Variants in ASXL3 observed in about 807,000 individuals in gnomAD.
ASXL3 encodes the protein ASXL transcriptional regulator 3.
Under a neutral mutation model 170.6 loss-of-function variants are expected in ASXL3, and 34 were observed. That is an observed-to-expected ratio of 0.20 (90% CI 0.15 to 0.27). ASXL3 has a LOEUF of 0.27. Ranked by LOEUF, ASXL3 falls within the 10% of genes least tolerant of loss-of-function variation. The pLI, the probability that ASXL3 is intolerant of heterozygous loss-of-function variation, is 1.00. For synonymous variants in ASXL3, 1,002 were observed against 989.1 expected, an observed-to-expected ratio of 1.01 and a Z score of -0.24; for missense variants, 2,592 against 2,695.3, an observed-to-expected ratio of 0.96 and a Z score of 0.85.
In ASXL3 at chr18:33,745,204, T is replaced by G. The variant is rs2067757696; in HGVS notation, c.5356T>G (p.Ser1786Ala). ...GCTTCCATTGCCTCTTCAAACTACC[T>G]CAGTGGGTAAAACAGCACCAGAGAG... ...NRLPLPLQTTSVGKTAPERNV... is the reference protein window; with the variant it reads ...NRLPLPLQTTAVGKTAPERNV... Residue 1786 changes from serine to alanine, a missense_variant, in exon 12 of 12, where the codon TCA (serine) becomes GCA (alanine). Around this residue, in one of 4 missense-constraint regions of ASXL3, gnomAD observed 2,246 missense variants for 2,219.6 expected, o/e 1.01. Coordinates refer to ENST00000269197, the MANE Select transcript of ASXL3 (RefSeq NM_030632.3). 1 of 1,613,838 alleles carries G rather than the reference T, an allele frequency of 6.2e-7. No homozygotes were observed. The highest frequency in any genetic ancestry group is 1.7e-5 in the Admixed American group (1 of 60,008).
Position 33,749,029 on chromosome 18 carries a change from G to C in ASXL3, c.*2434G>C, listed in dbSNP as rs2067842826. 1 of 149,678 alleles carries C rather than the reference G, an allele frequency of 6.7e-6. No individual in the cohort carries two copies. Among genetic ancestry groups the C allele is most frequent in the Admixed American group, 6.6e-5 (1 of 15,062 alleles). The allele number at this position is 149,678 out of a possible 1,614,324, so 9.3% of individuals were successfully genotyped here. On this transcript the variant is annotated 3_prime_UTR_variant, in exon 12 of 12. Coordinates refer to ENST00000269197, the MANE Select transcript of ASXL3 (RefSeq NM_030632.3). ...GCTTGGAGAATCAGTTGTTGATAGT[G>C]CATGGATTCTATCATCCAGGTCCGA...
At chr18:33,726,326 A>AT (rs749714096) in intron 8 of ASXL3, among the ~76,000 whole-genome samples, 1 of 151,954 alleles carries the variant, frequency 6.6e-6, no homozygotes. Flanking sequence ...AGCTACTATC[A>AT]TTTTTTTCCT....
At chr18:33,742,628 ATTC>A (rs1312193456) in intron 11 of ASXL3, among the ~76,000 whole-genome samples, 2 of 152,230 alleles carry the variant, frequency 1.3e-5, no homozygotes, top group South Asian at 2.1e-4. Context: ...CATTAAGAAG[ATTC>A]TTCATTTCCA....
rs1028398525 is a variant in ASXL3, at chr18:33,748,951, A to G, written c.*2356A>G. 1.3e-5 allele frequency: 2 copies of G among 152,092 alleles called. No homozygotes were observed. The highest frequency in any genetic ancestry group is 2.4e-5 in the African/African-American group (1 of 41,404). 9.4% of individuals were successfully genotyped at this position (152,092 alleles called of 1,614,324 possible). On this transcript the variant is annotated 3_prime_UTR_variant, in exon 12 of 12. Transcript: ENST00000269197. The stretch of plus-strand genomic sequence containing the variant: ...GTTGAATACTGCCTGCAAGTTGCTT[A>G]TTGGGAATAAGAAAAAGTGTCCTTC...
At chr18:33,698,801 C>T (rs991100782) in intron 8 of ASXL3, among the ~76,000 whole-genome samples, 9 of 151,624 alleles carry the variant, frequency 5.9e-5, no homozygotes, top group Non-Finnish European at 8.8e-5. Context: ...TTTATTTTTT[C>T]GGAGGGGAAA....
intron 1 of ASXL3, among the ~76,000 whole-genome samples, chr18:33,595,167 A>C (rs2065114419): frequency 6.6e-6 from 1 of 152,202 alleles, no homozygotes; most frequent in African/African-American, 2.4e-5. Context: ...TCAAAGTTCT[A>C]GGTAAATAAC....
In ASXL3 at chr18:33,578,473, GCCGCCGCCGCCGCCGCCGCCGCCGCCA is replaced by G. The variant is rs2064963519; in HGVS notation, c.-153_-127del. On this transcript the variant is annotated 5_prime_UTR_variant, in exon 1 of 12. Transcript: ENST00000269197. ...ATCCCTCCCACCCGCCGCCGCCGCCGCCGCCGCCGCCGCCGCCGCCGCCGCCACCGCCCGCGCGCCTCCCCCCGCGGA... is the reference window on the plus strand; with the variant it reads ...ATCCCTCCCACCCGCCGCCGCCGCCGCCGCCCGCGCGCCTCCCCCCGCGGA... The G allele has an allele frequency of 1.8e-5, 3 of 166,638 alleles. No individual in the cohort carries two copies. The highest frequency in any genetic ancestry group is 6.5e-5 in the African/African-American group (2 of 30,880). The allele number at this position is 166,638 out of a possible 1,614,324, so 10.3% of individuals were successfully genotyped here.
At chr18:33,715,091 G>A (rs1033618440) in intron 8 of ASXL3, among the ~76,000 whole-genome samples, 2 of 152,112 alleles carry the variant, frequency 1.3e-5, no homozygotes, top group African/African-American at 2.4e-5. Flanking sequence ...TGGACATGAA[G>A]GTCACGTGAG....
intron 2 of ASXL3, among the ~76,000 whole-genome samples, chr18:33,640,548 T>A (rs2065830275): frequency 6.6e-6 from 1 of 152,106 alleles, no homozygotes; most frequent in Admixed American, 6.6e-5. Context: ...ATTATTAATG[T>A]TTTAACATTC....
intron 2 of ASXL3, among the ~76,000 whole-genome samples, chr18:33,610,801 GATATTTA>G (rs80238110): frequency 0.085 from 12,917 of 151,946 alleles, 621 homozygotes; most frequent in African/African-American, 0.12. Flanking sequence ...ATATTTTTAT[GATATTTA>G]ATAGTAGTTA....
chr18:33,609,792 G>A (rs1160650690), intron 2 of ASXL3, among the ~76,000 whole-genome samples: 4 of 152,006 alleles, frequency 2.6e-5, no homozygotes, highest in Non-Finnish European at 4.4e-5. Flanking sequence ...TTACCAGTTT[G>A]AATAGGGAAG....
At chr18:33,742,174 G>T (rs898435241) in intron 11 of ASXL3, among the ~76,000 whole-genome samples, 26 of 152,170 alleles carry the variant, frequency 1.7e-4, no homozygotes, top group African/African-American at 6.3e-4. Flanking sequence ...AACAGAACAC[G>T]CTGACAAATG....
intron 7 of ASXL3, among the ~76,000 whole-genome samples, chr18:33,674,681 C>T (rs1387708859): frequency 6.6e-6 from 1 of 150,550 alleles, no homozygotes; most frequent in African/African-American, 2.4e-5. Flanking sequence ...TGCAGTGGTG[C>T]GATCTCGGCC....
chr18:33,694,741 C>G (rs908685115), intron 8 of ASXL3, among the ~76,000 whole-genome samples: 1 of 152,038 alleles, frequency 6.6e-6, no homozygotes, highest in Non-Finnish European at 1.5e-5. Flanking sequence ...TGTGTAGGCT[C>G]TTTAAAATCC....
intron 8 of ASXL3, among the ~76,000 whole-genome samples, chr18:33,701,707 G>C (rs2066877114): frequency 6.6e-6 from 1 of 152,032 alleles, no homozygotes; most frequent in Non-Finnish European, 1.5e-5. Flanking sequence ...GTCTGGGTAT[G>C]AATCACTTTG....
At chr18:33,721,005 C>T (rs557986108) in intron 8 of ASXL3, among the ~76,000 whole-genome samples, 1 of 152,120 alleles carries the variant, frequency 6.6e-6, no homozygotes, top group East Asian at 1.9e-4. Flanking sequence ...TATTAATATT[C>T]TCCTTGTTTC....
intron 1 of ASXL3, among the ~76,000 whole-genome samples, chr18:33,599,282 T>C (rs938357276): frequency 6.6e-6 from 1 of 152,310 alleles, no homozygotes; most frequent in East Asian, 1.9e-4. Context: ...TTTCAGCCAG[T>C]CATTTGATAT....
intron 1 of ASXL3, among the ~76,000 whole-genome samples, chr18:33,592,383 T>C (rs893357336): frequency 3.3e-5 from 5 of 152,240 alleles, no homozygotes; most frequent in African/African-American, 1.2e-4. Context: ...GGACAGTTTT[T>C]TCATTTTTCC....
At chr18:33,629,612 G>A (rs1043512618) in intron 2 of ASXL3, among the ~76,000 whole-genome samples, 7 of 151,940 alleles carry the variant, frequency 4.6e-5, no homozygotes, top group Admixed American at 1.3e-4. Flanking sequence ...TTTCTACCCC[G>A]ATTACATTTA....
Sources: allele counts gnomAD v4.1 joint callset (sites outside exome capture counted in the v4.1 genomes callset), GRCh38; gene constraint gnomAD v4.1.1; regional missense constraint gnomAD v4.1.1; transcripts MANE v1.5; gene names NCBI Gene and HGNC (gene_info 2026-07-23, HGNC 2026-07-21).